GOLGA8H: variants seen among roughly 807,000 people sequenced by gnomAD.
The protein encoded by GOLGA8H is golgin subfamily A member 8H.
In GOLGA8H, 47 loss-of-function variants were observed where a neutral mutation model predicts 82.7. The observed-to-expected ratio is 0.57, with a 90% confidence interval of 0.45 to 0.73. GOLGA8H has a LOEUF of 0.73. Among genes scored for constraint, GOLGA8H ranks in the 30% least tolerant of loss-of-function variants. The probability of loss-of-function intolerance (pLI) is 0.00; values close to 1 mark genes in which losing one functional copy is unlikely to be tolerated. For missense variants in GOLGA8H, 372 were observed against 661.0 expected, an observed-to-expected ratio of 0.56 and a Z score of 4.79; for synonymous variants, 108 against 241.6, an observed-to-expected ratio of 0.45 and a Z score of 5.13.
At chr15:30,605,755 G>T (rs1474412439) in intron 1 of GOLGA8H, 88 bp from the exon 2 acceptor site, 13 of 1,550,598 alleles carry the variant, frequency 8.4e-6, no homozygotes, top group Non-Finnish European at 1.0e-5. Flanking sequence ...CAGATGGTGT[G>T]TAAGTGTATT....
intron 15 of GOLGA8H, 29 bp downstream of exon 15, chr15:30,613,224 TG>T (rs1209566211): frequency 2.0e-6 from 1 of 493,532 alleles, no homozygotes; most frequent in African/African-American, 3.2e-5. Context: ...GCACCCATTT[TG>T]CCACCTTTCT....
rs1011056123 is a variant in GOLGA8H at position 30,615,902 on chromosome 15, CTT to C, written c.*1343_*1344del. Among the ~76,000 whole-genome samples, 10 of 150,050 alleles carry C rather than the reference CTT, an allele frequency of 6.7e-5. No homozygotes were observed. The highest frequency in any genetic ancestry group is 9.9e-5 in the African/African-American group (4 of 40,536). On this transcript the variant is annotated 3_prime_UTR_variant, in exon 19 of 19. Transcript: ENST00000566740. ...GTTTTAGTAGACGGTATTGTACTCT[CTT>C]TGAAAATCAAGGAGAAGTTTATGAA...
rs2060099720 is a variant in GOLGA8H, at chr15:30,615,913, AAGG to A, written c.*1355_*1357del. 6.6e-6 allele frequency among the ~76,000 whole-genome samples: 1 copy of A among 150,672 alleles called. No homozygotes were observed. The highest frequency in any genetic ancestry group is 2.5e-5 in the African/African-American group (1 of 40,812). On this transcript the variant is annotated 3_prime_UTR_variant, in exon 19 of 19. Transcript: ENST00000566740. ...CGGTATTGTACTCTCTTTGAAAATC[AAGG>A]AGAAGTTTATGAAACTTAAAATGTG...
In GOLGA8H at chr15:30,614,559, T is replaced by C. The variant is rs780264998; in HGVS notation, c.1897T>C (p.Ter633GlnextTer13). 1.3e-6 allele frequency: 2 copies of C among 1,599,916 alleles called. No individual in the cohort carries two copies. The highest frequency in any genetic ancestry group is 1.7e-6 in the Non-Finnish European group (2 of 1,179,428). The stretch of plus-strand genomic sequence containing the variant: ...GGCTTGGCTGCCAAGAAGAAGGAGA[T>C]AAACATCACCATCCTCAAAGAGCTG... ...CWAWLPRRRR[*>Q] Residue 633 changes from the stop codon to glutamine (Q), a stop_lost, in exon 19 of 19, where the codon TAA (stop) becomes CAA (glutamine). Transcript: ENST00000566740.
chr15:30,612,559 C>G (rs1360246291), intron 13 of GOLGA8H, 38 bp from the exon 14 acceptor site: 4 of 1,588,118 alleles, frequency 2.5e-6, no homozygotes, highest in South Asian at 2.2e-5. Context: ...GACGACCTGG[C>G]AAACTCCACC....
chr15:30,609,750 C>G lies in GOLGA8H; in HGVS notation c.592-56C>G, dbSNP rs1270852661. The G allele has an allele frequency of 3.8e-6, 6 of 1,572,034 alleles. No individual in the cohort carries two copies. In the East Asian group the frequency reaches 9.0e-5, roughly 24 times the overall value. ...CTAGCCCTAGTCCTTTTAAGGGGCA[C>G]TGTGTGGAAATGCCCAGGCTCTCCA... On this transcript the variant is annotated intron_variant, in intron 8 of 18. Coordinates refer to ENST00000566740, the MANE Select transcript of GOLGA8H (RefSeq NM_001282490.2).
rs1414774655 is a variant in GOLGA8H at position 30,614,558 on chromosome 15, A to G, written c.1896A>G (p.Arg632=). The G allele has an allele frequency of 1.2e-6, 2 of 1,600,088 alleles. No individual in the cohort carries two copies. Among genetic ancestry groups the G allele is most frequent in the South Asian group, 1.1e-5 (1 of 90,948 alleles). The change falls in exon 19 of 19, where the codon AGA becomes AGG. Residue 632 remains arginine (R), a synonymous_variant. Coordinates refer to ENST00000566740, the MANE Select transcript of GOLGA8H (RefSeq NM_001282490.2). ...LCWAWLPRRR[R] ...GGGCTTGGCTGCCAAGAAGAAGGAG[A>G]TAAACATCACCATCCTCAAAGAGCT... is the stretch of plus-strand genomic sequence containing the variant.
rs1483081458 is a variant in GOLGA8H at position 30,609,985 on chromosome 15, G to C, written c.679-14G>C. 1 of 1,610,544 alleles carries C rather than the reference G, an allele frequency of 6.2e-7. No individual in the cohort carries two copies. The highest frequency in any genetic ancestry group is 1.3e-5 in the African/African-American group (1 of 74,598). On this transcript the variant is annotated splice_polypyrimidine_tract_variant and intron_variant, in intron 9 of 18. Coordinates refer to ENST00000566740, the MANE Select transcript of GOLGA8H (RefSeq NM_001282490.2). ...AGTGACAGCCCTTCCTAAGTTCTGT[G>C]CCCATTCTTGCAGTTGAAGGAGTCA... is the stretch of plus-strand genomic sequence containing the variant.
chr15:30,609,573 T>C (rs113656700), intron 8 of GOLGA8H, among the ~76,000 whole-genome samples: 14 of 150,174 alleles, frequency 9.3e-5, no homozygotes, highest in African/African-American at 1.7e-4. Context: ...GTAATAACAA[T>C]AGCAATATTA....
chr15:30,606,004 A>G, intron 2 of GOLGA8H, 42 bp downstream of exon 2: 2 of 1,572,224 alleles, frequency 1.3e-6, no homozygotes, highest in Non-Finnish European at 1.7e-6. Context: ...AGGGGGCCCA[A>G]GGGGCAATAG....
intron 13 of GOLGA8H, 139 bp downstream of exon 13, chr15:30,611,485 T>A: frequency 1.3e-6 from 2 of 1,529,578 alleles, no homozygotes; most frequent in Non-Finnish European, 1.8e-6. Context: ...GGCAGTCCTG[T>A]GACTGTTTCT....
chr15:30,609,669 C>G (rs931681415), intron 8 of GOLGA8H, 137 bp from the exon 9 acceptor site: 3 of 1,166,082 alleles, frequency 2.6e-6, no homozygotes, highest in African/African-American at 3.1e-5. Flanking sequence ...CTTTTAAAAA[C>G]CAGACCACGG....
rs1423356022 is a variant in GOLGA8H at position 30,615,120 on chromosome 15, G to A, written c.*559G>A. On this transcript the variant is annotated 3_prime_UTR_variant, in exon 19 of 19. Transcript: ENST00000566740. ...TAGAGTTGTTTAAAGGCCAAGAACT[G>A]GAAACAGCCTTTCCTCCATTTTCTG... is the stretch of plus-strand genomic sequence containing the variant. 6.6e-6 allele frequency among the ~76,000 whole-genome samples: 1 copy of A among 151,816 alleles called. No homozygotes were observed. Among genetic ancestry groups the A allele is most frequent in the East Asian group, 1.9e-4 (1 of 5,136 alleles).
At position 30,607,769 on chromosome 15, in the gene GOLGA8H, T is replaced by G. The variant is rs1221357637; in HGVS notation, c.310-261T>G. 3 of 598,486 alleles carry G rather than the reference T, an allele frequency of 5.0e-6. 1 individual carries two copies. The highest frequency in any genetic ancestry group is 3.8e-5 in the African/African-American group (2 of 53,014). The allele number at this position is 598,486 out of a possible 1,614,324, so 37.1% of individuals were successfully genotyped here. Reference sequence around the variant, plus strand: ...CCAGAAGGAGGGGCCTTTCTGAAACTCCATCTCTAGAGGTTTATATTGCTG... The same window carrying G: ...CCAGAAGGAGGGGCCTTTCTGAAACGCCATCTCTAGAGGTTTATATTGCTG... On this transcript the variant is annotated intron_variant, in intron 4 of 18. Transcript: ENST00000566740.
At chr15:30,613,408 T>C (rs982382782) in intron 15 of GOLGA8H, among the ~76,000 whole-genome samples, 3 of 93,270 alleles carry the variant, frequency 3.2e-5, no homozygotes, top group African/African-American at 5.6e-5. Flanking sequence ...GCCCCATTTC[T>C]TCTGTGTATG....
intron 13 of GOLGA8H, 118 bp downstream of exon 13, chr15:30,611,464 G>A: frequency 6.5e-7 from 1 of 1,537,096 alleles, no homozygotes; most frequent in South Asian, 1.2e-5. Context: ...GGTGACCACA[G>A]CACCCCGCAG....
intron 1 of GOLGA8H, among the ~76,000 whole-genome samples, chr15:30,605,234 AG>A (rs2059907699): frequency 7.0e-6 from 1 of 142,556 alleles, no homozygotes; most frequent in African/African-American, 2.7e-5. Context: ...TGAGTGCCAC[AG>A]GATAAATGTG....
In GOLGA8H at chr15:30,609,735, T is replaced by C. The variant is rs2936453; in HGVS notation, c.592-71T>C. 8.2e-6 allele frequency: 13 copies of C among 1,586,198 alleles called. No individual in the cohort carries two copies. The East Asian group carries it at 1.6e-4, about 19-fold the overall frequency. On this transcript the variant is annotated intron_variant, in intron 8 of 18. Transcript: ENST00000566740. ...AGTTGTATATTGGGCCTAGCCCTAG[T>C]CCTTTTAAGGGGCACTGTGTGGAAA...
chr15:30,611,084 AC>A (rs1490642171), intron 12 of GOLGA8H, 62 bp downstream of exon 12: 1 of 567,808 alleles, frequency 1.8e-6, no homozygotes, highest in African/African-American at 2.4e-5. Context: ...TTGTTTCCCC[AC>A]CTCTAAAATG....
Sources: gnomAD v4.1 joint callset for allele counts (sites outside exome capture counted in the v4.1 genomes callset) on GRCh38, gnomAD v4.1.1 for gene constraint, MANE v1.5 for transcripts, NCBI Gene and HGNC (gene_info 2026-07-23, HGNC 2026-07-21) for gene names.